The following PDE6C variants were observed in gnomAD, a reference collection of about 807,000 sequenced individuals.
The protein encoded by PDE6C is cone cGMP-specific 3',5'-cyclic phosphodiesterase subunit alpha'.
PDE6C carries 75 observed loss-of-function variants against 113.1 expected under a neutral mutation model. The ratio of observed to expected loss-of-function variants is 0.66; its 90% CI spans 0.55 to 0.80. The LOEUF is 0.80. PDE6C is among the 30% of genes least tolerant of loss of function. The probability of loss-of-function intolerance (pLI) is 0.00; values close to 1 mark genes in which losing one functional copy is unlikely to be tolerated. For missense variants in PDE6C, 912 were observed against 1,038.6 expected (o/e 0.88, Z 1.67); for synonymous variants, 375 against 363.7 (o/e 1.03, Z -0.35).
chr10:93,662,729 C>T, intron 20 of PDE6C, 86 bp downstream of exon 20: 1 of 761,910 alleles, frequency 1.3e-6, no homozygotes, highest in Non-Finnish European at 2.4e-6. Flanking sequence ...TTAGAAGTCA[C>T]CCATACGGAA....
chr10:93,659,011 AG>A lies in PDE6C; in HGVS notation c.2144+5del, dbSNP rs2058654081. 7.0e-6 allele frequency: 11 copies of A among 1,575,768 alleles called. No individual in the cohort carries two copies. The highest frequency in any genetic ancestry group is 9.6e-6 in the Non-Finnish European group (11 of 1,145,254). Reference sequence around the variant, plus strand: ...CCAACCAAGAAAGAGATTATCATGTAGGTAGTTGAAATTGTATTTCTCTCTT... The same window carrying A: ...CCAACCAAGAAAGAGATTATCATGTAGTAGTTGAAATTGTATTTCTCTCTT... On this transcript the variant is annotated splice_donor_region_variant and intron_variant, in intron 17 of 21. Coordinates refer to ENST00000371447, the MANE Select transcript of PDE6C (RefSeq NM_006204.4).
chr10:93,662,009 G>A, intron 18 of PDE6C, 50 bp from the exon 19 acceptor site: 1 of 1,117,224 alleles, frequency 9.0e-7, no homozygotes, highest in South Asian at 1.2e-5. Context: ...TAAAATGCAA[G>A]TTCTCTATTC....
chr10:93,643,064 G>C (rs2058567507), intron 14 of PDE6C, among the ~76,000 whole-genome samples: 1 of 152,150 alleles, frequency 6.6e-6, no homozygotes, highest in Non-Finnish European at 1.5e-5. Context: ...TGCTAGTAAG[G>C]ACTTGATACC....
chr10:93,639,641 C>T (rs1458786897), intron 11 of PDE6C, among the ~76,000 whole-genome samples: 1 of 152,200 alleles, frequency 6.6e-6, no homozygotes, highest in African/African-American at 2.4e-5. Flanking sequence ...GAAACTGTCA[C>T]TGAGCACATA....
At position 93,612,617 on chromosome 10, in the gene PDE6C, G is replaced by T. The variant is rs979429391; in HGVS notation, c.-109G>T. The T allele has an allele frequency of 2.0e-6, 3 of 1,475,604 alleles. No individual in the cohort carries two copies. The highest frequency in any genetic ancestry group is 2.3e-5 in the South Asian group (2 of 87,698). 91.4% of individuals were successfully genotyped at this position (1,475,604 alleles called of 1,614,324 possible). On this transcript the variant is annotated 5_prime_UTR_variant, in exon 1 of 22. Coordinates refer to ENST00000371447, the MANE Select transcript of PDE6C (RefSeq NM_006204.4). Reference sequence around the variant, plus strand: ...GGAAGTCCTATGAGGGACCATTTACGGTTTCCTCAGTAATTTCCACCAGGA... The same window carrying T: ...GGAAGTCCTATGAGGGACCATTTACTGTTTCCTCAGTAATTTCCACCAGGA...
In PDE6C at chr10:93,658,885, G is replaced by A; in HGVS notation, c.2037-16G>A. The A allele has an allele frequency of 3.4e-6, 5 of 1,458,918 alleles. No individual in the cohort carries two copies. Among genetic ancestry groups the A allele is most frequent in the Non-Finnish European group, 4.8e-6 (5 of 1,039,046 alleles). The allele number at this position is 1,458,918 out of a possible 1,614,324, so 90.4% of individuals were successfully genotyped here. ...TCATAAGCTAAAATTGTTGCTCACA[G>A]CTGTATCTTTTCTAGGAAGAGGACC... On this transcript the variant is annotated splice_polypyrimidine_tract_variant and intron_variant, in intron 16 of 21. Coordinates refer to ENST00000371447, the MANE Select transcript of PDE6C (RefSeq NM_006204.4).
At position 93,624,335 on chromosome 10, in the gene PDE6C, C is replaced by T. The variant is rs535602588; in HGVS notation, c.865-1240C>T. On this transcript the variant is annotated intron_variant, in intron 4 of 21. Coordinates refer to ENST00000371447, the MANE Select transcript of PDE6C (RefSeq NM_006204.4). Reference sequence around the variant, plus strand: ...TGATCTTGGCTCACTGCAACCTCAGCCTCCCAGGTTCAAGCGATTCTCATG... The same window carrying T: ...TGATCTTGGCTCACTGCAACCTCAGTCTCCCAGGTTCAAGCGATTCTCATG... Among the ~76,000 whole-genome samples the T allele has an allele frequency of 1.9e-3, 296 of 152,252 alleles. 1 individual carries two copies. Among genetic ancestry groups the T allele is most frequent in the African/African-American group, 6.7e-3 (277 of 41,540 alleles).
At chr10:93,661,472 C>G (rs2058665599) in intron 18 of PDE6C, among the ~76,000 whole-genome samples, 2 of 152,192 alleles carry the variant, frequency 1.3e-5, no homozygotes, top group African/African-American at 4.8e-5. Flanking sequence ...ACTTACCACA[C>G]TGTATACATG....
rs1181512310 is a variant in PDE6C at position 93,629,407 on chromosome 10, T to G, written c.1119+102T>G. The G allele has an allele frequency of 4.5e-5, 40 of 882,338 alleles. 1 individual carries two copies. The highest frequency in any genetic ancestry group is 2.2e-4 in the Middle Eastern group (1 of 4,548). 54.7% of individuals were successfully genotyped at this position (882,338 alleles called of 1,614,324 possible). A position where few individuals can be genotyped will look rare whatever the true frequency, so the allele number is the denominator to read the frequency against. Reference sequence around the variant, plus strand: ...CCAGAGTCCGCCTGATGCTCAGGTGTGGCCACAGGCACACACGGGTCCATC... The same window carrying G: ...CCAGAGTCCGCCTGATGCTCAGGTGGGGCCACAGGCACACACGGGTCCATC... On this transcript the variant is annotated intron_variant, in intron 8 of 21. Transcript: ENST00000371447.
At chr10:93,649,695 C>G (rs568826303) in intron 15 of PDE6C, among the ~76,000 whole-genome samples, 12 of 152,314 alleles carry the variant, frequency 7.9e-5, no homozygotes, top group South Asian at 6.2e-4. Context: ...ACCTCCGCCT[C>G]CTGGGTTCAA....
intron 11 of PDE6C, among the ~76,000 whole-genome samples, chr10:93,637,491 T>C (rs1030311283): frequency 6.6e-6 from 1 of 152,204 alleles, no homozygotes; most frequent in Non-Finnish European, 1.5e-5. Flanking sequence ...CTCCATTCTT[T>C]CGTGTTGTTG....
At chr10:93,648,311 A>G (rs568667903) in intron 15 of PDE6C, among the ~76,000 whole-genome samples, 2 of 152,318 alleles carry the variant, frequency 1.3e-5, no homozygotes, top group South Asian at 2.1e-4. Context: ...ATACCATTCA[A>G]CCTGCTAATT....
At chr10:93,654,840 C>G (rs868027676) in intron 15 of PDE6C, among the ~76,000 whole-genome samples, 3 of 133,362 alleles carry the variant, frequency 2.2e-5, no homozygotes, top group African/African-American at 8.3e-5. Context: ...CAGGGTCTCT[C>G]TCTGTCACCC....
At chr10:93,645,920 T>C (rs775970945) in intron 14 of PDE6C, 40 bp from the exon 15 acceptor site, 1 of 1,234,510 alleles carries the variant, frequency 8.1e-7, no homozygotes, top group Middle Eastern at 1.9e-4. Context: ...ATGTGTAATT[T>C]TTAAACAGCT....
chr10:93,663,093 A>C lies in PDE6C; in HGVS notation c.2433A>C (p.Glu811Asp), dbSNP rs1483906470. The change falls in exon 21 of 22, where the codon GAA becomes GAC. Residue 811 changes from glutamate to aspartate, a missense_variant. Physicochemically the swap from Glu to Asp is conservative, Grantham distance 45. Transcript: ENST00000371447. ...GTGGTCTTCAGAATAACAGAGTAGA[A>C]TGGAAATCACTAGCTGATGAGTATG... ...MLSGLQNNRV[E>D]WKSLADEYDA... 6.2e-7 allele frequency: 1 copy of C among 1,613,510 alleles called. No homozygotes were observed. Among genetic ancestry groups the C allele is most frequent in the Non-Finnish European group, 8.5e-7 (1 of 1,179,620 alleles).
chr10:93,635,767 G>A (rs1034843997), intron 10 of PDE6C, 127 bp downstream of exon 10: 28 of 996,700 alleles, frequency 2.8e-5, no homozygotes, highest in Non-Finnish European at 4.2e-5. Context: ...GAGAGACAGG[G>A]AAGGAGGGGT....
intron 16 of PDE6C, 35 bp downstream of exon 16, chr10:93,655,895 T>C (rs770044922): frequency 2.8e-6 from 3 of 1,055,330 alleles, no homozygotes; most frequent in Middle Eastern, 2.0e-4. Context: ...GAATGCCCTA[T>C]ACTCTGTGTG....
chr10:93,658,844 TA>T, intron 16 of PDE6C, 56 bp from the exon 17 acceptor site: 1 of 1,016,242 alleles, frequency 9.8e-7, no homozygotes, highest in Admixed American at 1.7e-5. Context: ...GTATTTAAGA[TA>T]TTTTTTCTCT....
chr10:93,635,568 C>G lies in PDE6C; in HGVS notation c.1341C>G (p.Asn447Lys), dbSNP rs867202963. 1.9e-6 allele frequency: 3 copies of G among 1,613,272 alleles called. No homozygotes were observed. Among genetic ancestry groups the G allele is most frequent in the Non-Finnish European group, 2.5e-6 (3 of 1,179,332 alleles). ...ACGATAAGATGAATAAGCTAGAAAA[C>G]AGAAAGGACATTGCTCAGGAAATGC... ...DTYDKMNKLE[N>K]RKDIAQEMLM... is the part of the protein sequence containing the mutation. The change falls in exon 10 of 22, where the codon AAC (asparagine) becomes AAG (lysine). Residue 447 changes from asparagine to lysine, a missense_variant. By Grantham distance (94) the Asn-to-Lys change is moderately conservative. Transcript: ENST00000371447.
Sources: gnomAD v4.1 joint callset for allele counts (sites outside exome capture counted in the v4.1 genomes callset) on GRCh38, gnomAD v4.1.1 for gene constraint, MANE v1.5 for transcripts, NCBI Gene and HGNC (gene_info 2026-07-23, HGNC 2026-07-21) for gene names.